The following CBR4 variants were observed in gnomAD, a reference collection of about 807,000 sequenced individuals.
The protein encoded by CBR4 is carbonyl reductase 4.
A neutral mutation model predicts 21.0 loss-of-function variants in CBR4; 22 were observed. The ratio of observed to expected loss-of-function variants is 1.05; its 90% CI spans 0.75 to 1.50. The LOEUF (loss-of-function observed/expected upper bound fraction) is 1.50, where lower values mean the gene tolerates loss of function less well. Ranked by LOEUF, CBR4 falls within the 40% of genes most tolerant of loss-of-function variation. CBR4 has a pLI of 0.00. For missense variants in CBR4, 302 were observed against 286.3 expected (o/e 1.05, Z -0.40); for synonymous variants, 100 against 104.4 (o/e 0.96, Z 0.26).
At chr4:168,957,295 T>TA (rs1270096106) in intron 2 of CBR4, among the ~76,000 whole-genome samples, 2 of 151,532 alleles carry the variant, frequency 1.3e-5, no homozygotes, top group African/African-American at 2.4e-5. Context: ...ATTAAAAGAG[T>TA]AAAAAATCGC....
chr4:168,965,012 T>C (rs1763977393), intron 2 of CBR4, among the ~76,000 whole-genome samples: 1 of 152,144 alleles, frequency 6.6e-6, no homozygotes, highest in South Asian at 2.1e-4. Context: ...AGAAACCCCA[T>C]CATCTCAGCC....
intron 3 of CBR4, among the ~76,000 whole-genome samples, chr4:169,003,230 C>A (rs1730611880): frequency 6.6e-6 from 1 of 152,180 alleles, no homozygotes; most frequent in Non-Finnish European, 1.5e-5. Flanking sequence ...GTTCTATATG[C>A]CATTCAGAAC....
intron 2 of CBR4, among the ~76,000 whole-genome samples, chr4:168,972,121 G>A (rs1474499275): frequency 1.3e-5 from 2 of 152,082 alleles, no homozygotes; most frequent in Non-Finnish European, 2.9e-5. Flanking sequence ...TTTATTTCTG[G>A]CTTCTCTATT....
At chr4:169,000,234 G>C (rs1348069987) in intron 4 of CBR4, among the ~76,000 whole-genome samples, 1 of 152,060 alleles carries the variant, frequency 6.6e-6, no homozygotes, top group African/African-American at 2.4e-5. Flanking sequence ...AGAGAAAACA[G>C]TGCTAAGATA....
chr4:169,010,166 C>G lies in CBR4; in HGVS notation c.-77G>C. ...CAGGTTCCCTCAGGCTTTTAAACAA[C>G]CGCGGTTCCAAAAAAAAAAAAAAGA... On this transcript the variant is annotated 5_prime_UTR_variant, in exon 1 of 5. Coordinates refer to ENST00000306193, the MANE Select transcript of CBR4 (RefSeq NM_032783.5). The G allele has an allele frequency of 8.7e-7, 1 of 1,145,116 alleles. No homozygotes were observed. Among genetic ancestry groups the G allele is most frequent in the Non-Finnish European group, 1.1e-6 (1 of 881,302 alleles). 70.9% of individuals were successfully genotyped at this position (1,145,116 alleles called of 1,614,324 possible). A position where few individuals can be genotyped will look rare whatever the true frequency, so the allele number is the denominator to read the frequency against.
chr4:168,904,098 A>T, intron 2 of CBR4: 2 of 606,922 alleles, frequency 3.3e-6, no homozygotes, highest in South Asian at 3.8e-5. Flanking sequence ...TATTTATTCC[A>T]TCAGGTGTTA....
At chr4:168,977,656 A>G (rs1319504850) in intron 2 of CBR4, among the ~76,000 whole-genome samples, 1 of 152,184 alleles carries the variant, frequency 6.6e-6, no homozygotes, top group East Asian at 1.9e-4. Flanking sequence ...TGACCCATAC[A>G]TACTTGATGT....
In CBR4 at chr4:168,987,841, CT is replaced by C. The variant is rs900297114; in HGVS notation, c.*2308del. 220 of 978,902 alleles carry C rather than the reference CT, an allele frequency of 2.2e-4. 2 individuals carry two copies. The African/African-American group carries it at 3.5e-3, about 16-fold the overall frequency. 60.6% of individuals were successfully genotyped at this position (978,902 alleles called of 1,614,324 possible). ...TAATTTATAACATATAATTATCTCC[CT>C]AAAAAGCAGTTACAAACCATAAATT... is the stretch of plus-strand genomic sequence containing the variant. On this transcript the variant is annotated 3_prime_UTR_variant, in exon 5 of 5. Transcript: ENST00000306193.
intron 2 of CBR4, among the ~76,000 whole-genome samples, chr4:168,961,940 CAGGAGAGGAGAGGAG>C (rs11267211): frequency 0.16 from 21,692 of 133,204 alleles, 2,254 homozygotes; most frequent in African/African-American, 0.28. Context: ...GAGGAGAGCA[CAGGAGAGGAGAGGAG>C]AGGAGAGGAG....
rs953704215 is a variant in CBR4 at position 168,948,737 on chromosome 4, T to C, written n.169+53334A>G. On this transcript the variant is annotated intron_variant and non_coding_transcript_variant, in intron 2 of 3. Coordinates refer to the CBR4 transcript ENST00000509108. Reference sequence around the variant, plus strand: ...CCATTGGTCTATGTGCCTGTTTTTATACCAGTACCATGCTGTTTTGGTGAC... The same window carrying C: ...CCATTGGTCTATGTGCCTGTTTTTACACCAGTACCATGCTGTTTTGGTGAC... 7.9e-5 allele frequency among the ~76,000 whole-genome samples: 12 copies of C among 152,228 alleles called. No individual in the cohort carries two copies. In the South Asian group the frequency reaches 1.2e-3, roughly 16 times the overall value.
At chr4:168,936,816 C>T (rs6820888) in intron 2 of CBR4, among the ~76,000 whole-genome samples, 150,773 of 152,290 alleles carry the variant, frequency 0.99, 74,656 homozygotes, top group East Asian at 1. Context: ...TTGACTAGTG[C>T]ACCTGAAAGT....
intron 2 of CBR4, among the ~76,000 whole-genome samples, chr4:168,965,500 A>G (rs1160285431): frequency 2.0e-5 from 3 of 152,216 alleles, no homozygotes; most frequent in Non-Finnish European, 4.4e-5. Context: ...ACTTCAAACT[A>G]TACTACAAGG....
intron 2 of CBR4, among the ~76,000 whole-genome samples, chr4:168,918,251 G>T (rs556513848): frequency 1.2e-4 from 18 of 151,172 alleles, no homozygotes; most frequent in Admixed American, 5.3e-4. Context: ...CATGTTCATT[G>T]CAGCACTATT....
At chr4:168,920,182 A>T (rs557143384) in intron 2 of CBR4, among the ~76,000 whole-genome samples, 1 of 152,206 alleles carries the variant, frequency 6.6e-6, no homozygotes, top group Admixed American at 6.5e-5. Context: ...GGCAGTGTAC[A>T]TGGAGAGCTG....
intron 2 of CBR4, chr4:168,916,140 C>CA (rs1760036352): frequency 4.9e-6 from 5 of 1,022,696 alleles, no homozygotes; most frequent in African/African-American, 1.6e-5. Flanking sequence ...GAGCTGGGCA[C>CA]AGTGGCTCAC....
rs115115818 is a variant in CBR4 at position 168,967,866 on chromosome 4, T to C, written n.169+34205A>G. Among the ~76,000 whole-genome samples the C allele has an allele frequency of 2.4e-3, 358 of 152,256 alleles. 1 individual carries two copies. Among genetic ancestry groups the C allele is most frequent in the Non-Finnish European group, 3.6e-3 (246 of 68,002 alleles). On this transcript the variant is annotated intron_variant and non_coding_transcript_variant, in intron 2 of 3. Coordinates refer to the CBR4 transcript ENST00000509108. ...ACTACACAAATATAAAACAAAGCAA[T>C]TATTAATGCCAGGAAATCTCCAAAA...
chr4:169,004,972 T>G (rs11722048), intron 3 of CBR4, among the ~76,000 whole-genome samples: 23,213 of 152,064 alleles, frequency 0.15, 1,965 homozygotes, highest in African/African-American at 0.22. Context: ...GATACAAAAA[T>G]TAATCAAGGA....
At chr4:168,985,342 A>G (rs1382421443), downstream of CBR4, among the ~76,000 whole-genome samples, 1 of 152,220 alleles carries the variant, frequency 6.6e-6, no homozygotes, top group Non-Finnish European at 1.5e-5. Flanking sequence ...AACATGAGAT[A>G]CCATCTCACG....
Position 168,930,842 on chromosome 4 carries a change from A to T in CBR4, n.170-36077T>A, listed in dbSNP as rs145349039. ...ACACCTACAATCCTTACTACAGGAGAATTCCACAGTCCTCACAAGCCCTGA... is the reference window on the plus strand; with the variant it reads ...ACACCTACAATCCTTACTACAGGAGTATTCCACAGTCCTCACAAGCCCTGA... On this transcript the variant is annotated intron_variant and non_coding_transcript_variant, in intron 2 of 3. Transcript: ENST00000509108. Among the ~76,000 whole-genome samples the T allele has an allele frequency of 4.9e-3, 742 of 152,294 alleles. 6 individuals carry two copies. Among genetic ancestry groups the T allele is most frequent in the Admixed American group, 5.5e-3 (84 of 15,304 alleles).
Sources: gnomAD v4.1 joint callset for allele counts (sites outside exome capture counted in the v4.1 genomes callset) on GRCh38, gnomAD v4.1.1 for gene constraint, MANE v1.5 for transcripts, NCBI Gene and HGNC (gene_info 2026-07-23, HGNC 2026-07-21) for gene names.